The following STXBP5L variants were observed in gnomAD, a reference collection of about 807,000 sequenced individuals.
STXBP5L encodes the protein syntaxin binding protein 5L.
Under a neutral mutation model 144.5 loss-of-function variants are expected in STXBP5L, and 65 were observed. The ratio of observed to expected loss-of-function variants is 0.45; its 90% confidence interval spans 0.37 to 0.55. The LOEUF is 0.55. STXBP5L is among the 20% of genes least tolerant of loss of function. The pLI is 0.00. For missense variants in STXBP5L, 1,298 were observed against 1,405.5 expected (o/e 0.92, Z 1.22); for synonymous variants, 505 against 469.6 (o/e 1.08, Z -0.97).
At chr3:121,024,085 A>G (rs1320267496) in intron 3 of STXBP5L, among the ~76,000 whole-genome samples, 1 of 152,162 alleles carries the variant, frequency 6.6e-6, no homozygotes, top group Non-Finnish European at 1.5e-5. Context: ...ACAAAAAATG[A>G]AAAATAAAAA....
intron 3 of STXBP5L, among the ~76,000 whole-genome samples, chr3:121,024,740 C>T (rs1454145793): frequency 1.3e-5 from 2 of 152,130 alleles, no homozygotes; most frequent in East Asian, 3.9e-4. Context: ...TCTACAACAT[C>T]TATTCCATGA....
intron 11 of STXBP5L, among the ~76,000 whole-genome samples, chr3:121,228,483 A>T (rs1024501109): frequency 2.0e-5 from 3 of 152,252 alleles, no homozygotes; most frequent in African/African-American, 7.2e-5. Flanking sequence ...TCAGGAAGAA[A>T]TGTGACAGAA....
intron 9 of STXBP5L, among the ~76,000 whole-genome samples, chr3:121,178,651 A>G (rs912834617): frequency 3.3e-5 from 5 of 152,144 alleles, no homozygotes; most frequent in African/African-American, 1.2e-4. Flanking sequence ...CCACTGGGGA[A>G]TCTGAAAATC....
intron 2 of STXBP5L, among the ~76,000 whole-genome samples, chr3:120,945,345 T>C (rs1335551437): frequency 6.6e-6 from 1 of 151,856 alleles, no homozygotes; most frequent in Non-Finnish European, 1.5e-5. Context: ...TATTTCATAA[T>C]TGGAATATTC....
chr3:121,092,706 G>C (rs1435737682), intron 5 of STXBP5L, among the ~76,000 whole-genome samples: 3 of 152,200 alleles, frequency 2.0e-5, no homozygotes, highest in Non-Finnish European at 4.4e-5. Context: ...ACACAATCAT[G>C]TCATCTGCAA....
chr3:121,085,612 C>G (rs2042451436), intron 5 of STXBP5L, among the ~76,000 whole-genome samples: 1 of 152,070 alleles, frequency 6.6e-6, no homozygotes, highest in Non-Finnish European at 1.5e-5. Context: ...AGGAATATAG[C>G]TAACAAGGGA....
At chr3:121,105,395 A>AAATAAATAAATAAATAAATAAAT in intron 5 of STXBP5L, among the ~76,000 whole-genome samples, 1 of 149,746 alleles carries the variant, frequency 6.7e-6, no homozygotes, top group Non-Finnish European at 1.5e-5. Context: ...ACTCTGTCTC[A>AAATAAATAAATAAATAAATAAAT]AAATAAATAA....
intron 2 of STXBP5L, among the ~76,000 whole-genome samples, chr3:120,952,048 C>T (rs1188587205): frequency 1.3e-5 from 2 of 151,060 alleles, no homozygotes; most frequent in African/African-American, 2.4e-5. Context: ...AGTAAACTAT[C>T]GCAAGAACAA....
chr3:121,057,803 A>G (rs1948564215), intron 5 of STXBP5L, among the ~76,000 whole-genome samples: 1 of 151,962 alleles, frequency 6.6e-6, no homozygotes, highest in African/African-American at 2.4e-5. Context: ...ATAATTTGGT[A>G]TAATAATAAA....
intron 3 of STXBP5L, among the ~76,000 whole-genome samples, chr3:120,977,573 T>C (rs922160247): frequency 4.6e-5 from 7 of 152,202 alleles, no homozygotes; most frequent in East Asian, 1.9e-4. Context: ...ATGTGTGAAT[T>C]TGATCCTGTC....
intron 2 of STXBP5L, among the ~76,000 whole-genome samples, chr3:120,924,415 T>C (rs1199516563): frequency 2.6e-5 from 4 of 152,142 alleles, no homozygotes; most frequent in Admixed American, 1.3e-4. Flanking sequence ...TCTACATTAA[T>C]GAAAAACAAT....
intron 3 of STXBP5L, among the ~76,000 whole-genome samples, chr3:120,957,671 C>T (rs1394419685): frequency 2.0e-5 from 3 of 151,736 alleles, no homozygotes; most frequent in African/African-American, 2.4e-5. Flanking sequence ...GAGTACATAA[C>T]GAAATGAAGG....
chr3:121,208,161 G>T (rs933623374), intron 10 of STXBP5L, among the ~76,000 whole-genome samples: 2 of 152,178 alleles, frequency 1.3e-5, no homozygotes, highest in Middle Eastern at 3.4e-3. Context: ...TCATAAAAAA[G>T]GATGAGTTCA....
chr3:121,010,546 A>T (rs887414497), intron 3 of STXBP5L, among the ~76,000 whole-genome samples: 4 of 151,606 alleles, frequency 2.6e-5, no homozygotes, highest in African/African-American at 7.3e-5. Flanking sequence ...AGCAGATAAT[A>T]GTTGACCCTT....
chr3:121,338,075 T>C (rs1269471271), intron 20 of STXBP5L, among the ~76,000 whole-genome samples: 2 of 152,140 alleles, frequency 1.3e-5, no homozygotes, highest in East Asian at 1.9e-4. Context: ...TGAAAGTTTA[T>C]AGCACTAAAT....
intron 3 of STXBP5L, among the ~76,000 whole-genome samples, chr3:120,994,713 T>G (rs1362125632): frequency 1.3e-5 from 2 of 152,188 alleles, no homozygotes; most frequent in Non-Finnish European, 2.9e-5. Flanking sequence ...GCATCTTTTT[T>G]CATCATGAGT....
intron 3 of STXBP5L, among the ~76,000 whole-genome samples, chr3:120,984,692 T>C (rs991257402): frequency 1.4e-5 from 2 of 142,988 alleles, no homozygotes; most frequent in African/African-American, 5.2e-5. Context: ...GTAAGTACCA[T>C]GTTGAATAGA....
chr3:121,265,877 G>A (rs1039626936), intron 18 of STXBP5L, among the ~76,000 whole-genome samples: 4 of 152,080 alleles, frequency 2.6e-5, no homozygotes, highest in East Asian at 1.9e-4. Flanking sequence ...AGAAAATCTA[G>A]AAGAAATGGA....
intron 15 of STXBP5L, among the ~76,000 whole-genome samples, chr3:121,253,050 T>G (rs2050078961): frequency 2.6e-5 from 4 of 152,210 alleles, no homozygotes; most frequent in African/African-American, 9.6e-5. Context: ...ATAAGCTCTT[T>G]GTTGATTAAC....
Sources: allele counts gnomAD v4.1 joint callset (sites outside exome capture counted in the v4.1 genomes callset), GRCh38; gene constraint gnomAD v4.1.1; transcripts MANE v1.5; gene names NCBI Gene and HGNC (gene_info 2026-07-23, HGNC 2026-07-21).